Variants in CDH4 observed in about 807,000 individuals in gnomAD.
The protein encoded by CDH4 is cadherin 4.
CDH4 carries 33 observed loss-of-function variants against 86.0 expected under a neutral mutation model. The observed-to-expected ratio is 0.38, with a 90% CI of 0.29 to 0.51. CDH4 has a LOEUF of 0.51. CDH4 is among the 20% of genes least tolerant of loss of function. The probability of loss-of-function intolerance (pLI) is 0.86; values close to 1 mark genes in which losing one functional copy is unlikely to be tolerated. For synonymous variants in CDH4, 555 were observed against 549.4 expected (o/e 1.01, Z -0.14); for missense variants, 1,114 against 1,307.4 (o/e 0.85, Z 2.28).
At chr20:61,671,754 G>T (rs2087390593) in intron 2 of CDH4, among the ~76,000 whole-genome samples, 1 of 151,196 alleles carries the variant, frequency 6.6e-6, no homozygotes, top group Admixed American at 6.6e-5. Flanking sequence ...AATGAATGAT[G>T]GGTGGGTGTG....
chr20:61,262,043 G>C lies in CDH4; in HGVS notation c.169+7106G>C, dbSNP rs566355610. ...AGAGAGGGAGCAGAGAGAAGAGTCC[G>C]GCTGGTCCTGGAAGCCCTGAGCACG... On this transcript the variant is annotated intron_variant, in intron 2 of 15. Transcript: ENST00000614565. Among the ~76,000 whole-genome samples, 18 of 152,328 alleles carry C rather than the reference G, an allele frequency of 1.2e-4. No individual in the cohort carries two copies. In the South Asian group the frequency reaches 3.5e-3, roughly 30 times the overall value.
chr20:61,775,365 T>C (rs2088826270), intron 4 of CDH4, among the ~76,000 whole-genome samples: 1 of 151,798 alleles, frequency 6.6e-6, no homozygotes, highest in Non-Finnish European at 1.5e-5. Context: ...CCTTATTTAA[T>C]GCCTTGTGCT....
In CDH4 at chr20:61,582,597, C is replaced by T. The variant is rs2086437861; in HGVS notation, c.170-160966C>T. On this transcript the variant is annotated intron_variant, in intron 2 of 15. Transcript: ENST00000614565. This position sits in a 1 kb window ranked among gnomAD's most constrained non-coding sequence, Gnocchi z 4.2. ...TGCACCCAGTGCCCTGAGAGCTGCA[C>T]CTAGAGCTTCTTCCGTCCCCTGCAG... Among the ~76,000 whole-genome samples, 2 of 152,160 alleles carry T rather than the reference C, an allele frequency of 1.3e-5. No individual in the cohort carries two copies. The highest frequency in any genetic ancestry group is 1.3e-4 in the Admixed American group (2 of 15,282).
At chr20:61,278,893 T>C (rs936310624) in intron 2 of CDH4, among the ~76,000 whole-genome samples, 3 of 152,234 alleles carry the variant, frequency 2.0e-5, no homozygotes, top group Non-Finnish European at 2.9e-5. Flanking sequence ...TAGGTGGCAA[T>C]GGCAAGTATT....
chr20:61,575,974 T>G (rs1429464885), intron 2 of CDH4, among the ~76,000 whole-genome samples: 1 of 152,098 alleles, frequency 6.6e-6, no homozygotes, highest in African/African-American at 2.4e-5. Context: ...GGCTTCGTCC[T>G]TGGGTTTTGG....
Position 61,910,584 on chromosome 20 carries a change from G to A in CDH4, c.1351G>A (p.Glu451Lys), listed in dbSNP as rs139577432. ...FSVRTDPVTN[E>K]GMVTVVKAVD... ...CGTCCGCACAGACCCCGTAACCAACGAGGGCATGGTCACCGTGGTGAAGGT... is the reference window on the plus strand; with the variant it reads ...CGTCCGCACAGACCCCGTAACCAACAAGGGCATGGTCACCGTGGTGAAGGT... Residue 451 changes from glutamate to lysine, a missense_variant, in exon 9 of 16, where the codon GAG becomes AAG. Coordinates refer to ENST00000614565, the MANE Select transcript of CDH4 (RefSeq NM_001794.5). The A allele has an allele frequency of 2.3e-4, 375 of 1,613,482 alleles. 1 individual carries two copies. The highest frequency in any genetic ancestry group is 4.3e-4 in the Admixed American group (26 of 59,986).
At position 61,676,153 on chromosome 20, in the gene CDH4, A is replaced by G. The variant is rs1232904404; in HGVS notation, c.170-67410A>G. 6.6e-6 allele frequency among the ~76,000 whole-genome samples: 1 copy of G among 152,202 alleles called. No homozygotes were observed. Among genetic ancestry groups the G allele is most frequent in the African/African-American group, 2.4e-5 (1 of 41,460 alleles). On this transcript the variant is annotated intron_variant, in intron 2 of 15. Coordinates refer to ENST00000614565, the MANE Select transcript of CDH4 (RefSeq NM_001794.5). This position sits in a 1 kb window ranked among gnomAD's most constrained non-coding sequence, Gnocchi z 4.5. The stretch of plus-strand genomic sequence containing the variant: ...CCAGGTTCTCTGAATGGGGCCTGCC[A>G]GTTCGAATTTGCACGTGCAGAAAAT...
chr20:61,309,349 T>A (rs1302757490), intron 2 of CDH4, among the ~76,000 whole-genome samples: 3 of 97,896 alleles, frequency 3.1e-5, no homozygotes, highest in Non-Finnish European at 7.1e-5. Context: ...TGTTCAGCTG[T>A]CTTCCTCGAG....
intron 2 of CDH4, chr20:61,437,516 C>CCT (rs1328260016): frequency 6.6e-6 from 1 of 152,150 alleles, no homozygotes; most frequent in African/African-American, 2.4e-5. Flanking sequence ...TATCTGGGCT[C>CCT]CAGTCACTTC....
intron 7 of CDH4, among the ~76,000 whole-genome samples, chr20:61,889,334 AT>A (rs1984684781): frequency 1.4e-5 from 2 of 144,488 alleles, no homozygotes; most frequent in Admixed American, 6.9e-5. Flanking sequence ...GGATGGATGG[AT>A]GGATGGGTGA....
rs935721716 is a variant in CDH4, at chr20:61,492,123, ATTG to A, written c.169+237189_169+237191del. The stretch of plus-strand genomic sequence containing the variant: ...TGGTGTTGATGTTGGTGGTGTCGAT[ATTG>A]TTAATGTTGGTGGTGTCGATATTGC... On this transcript the variant is annotated intron_variant, in intron 2 of 15. Transcript: ENST00000614565. Among the ~76,000 whole-genome samples, 11 of 142,722 alleles carry A rather than the reference ATTG, an allele frequency of 7.7e-5. No homozygotes were observed. The East Asian group carries it at 8.7e-4, about 11-fold the overall frequency. 93.6% of individuals were successfully genotyped at this position (142,722 alleles called of 152,430 possible).
intron 2 of CDH4, among the ~76,000 whole-genome samples, chr20:61,484,873 G>A (rs964490542): frequency 4.6e-5 from 7 of 152,188 alleles, no homozygotes; most frequent in Non-Finnish European, 1.0e-4. Context: ...AATGACAGGG[G>A]CCAAACCCTG....
intron 2 of CDH4, among the ~76,000 whole-genome samples, chr20:61,737,364 G>A (rs535482693): frequency 6.6e-6 from 1 of 152,226 alleles, no homozygotes; most frequent in East Asian, 1.9e-4. Flanking sequence ...TGAGGAGAGG[G>A]AGCTGACCCC....
At chr20:61,515,193 C>T (rs926844039) in intron 2 of CDH4, among the ~76,000 whole-genome samples, 7 of 152,248 alleles carry the variant, frequency 4.6e-5, no homozygotes, top group African/African-American at 2.4e-5. Flanking sequence ...GGCCCAGCAC[C>T]GGCAGGCCCT....
At chr20:61,336,649 G>A (rs866868312) in intron 2 of CDH4, among the ~76,000 whole-genome samples, 21 of 152,304 alleles carry the variant, frequency 1.4e-4, no homozygotes, top group Middle Eastern at 6.8e-3. Flanking sequence ...TAGCCAGCCT[G>A]TAGGATGAAA....
At chr20:61,649,153 C>T (rs983467531) in intron 2 of CDH4, among the ~76,000 whole-genome samples, 6 of 152,352 alleles carry the variant, frequency 3.9e-5, no homozygotes, top group Middle Eastern at 6.8e-3. Context: ...CACCTGCACA[C>T]GTGTGTCTGC....
chr20:61,500,075 C>G (rs1229851013), intron 2 of CDH4, among the ~76,000 whole-genome samples: 2 of 152,202 alleles, frequency 1.3e-5, no homozygotes, highest in Non-Finnish European at 2.9e-5. Context: ...TGTCACTTCC[C>G]TGTCGGAATC....
chr20:61,785,545 G>T (rs1035936315), intron 4 of CDH4, among the ~76,000 whole-genome samples: 1 of 152,188 alleles, frequency 6.6e-6, no homozygotes, highest in Non-Finnish European at 1.5e-5. Flanking sequence ...CCCACCAGGT[G>T]CACAGAGCCC....
chr20:61,355,881 C>T (rs1379037699), intron 2 of CDH4, among the ~76,000 whole-genome samples: 1 of 152,212 alleles, frequency 6.6e-6, no homozygotes, highest in Non-Finnish European at 1.5e-5. Context: ...TTCCTGCCTT[C>T]TCCACAGCCT....
Sources: gnomAD v4.1 joint callset for allele counts (sites outside exome capture counted in the v4.1 genomes callset) on GRCh38, gnomAD v4.1.1 for gene constraint, Gnocchi (gnomAD v3.1) non-coding constraint, MANE v1.5 for transcripts, NCBI Gene and HGNC (gene_info 2026-07-23, HGNC 2026-07-21) for gene names.